The following NCOR2 variants were observed in gnomAD, a reference collection of about 807,000 sequenced individuals.
The protein encoded by NCOR2 is nuclear receptor corepressor 2.
In NCOR2, 81 loss-of-function variants were observed where a neutral mutation model predicts 262.9. That is an observed-to-expected ratio of 0.31 (90% confidence interval 0.26 to 0.37). The LOEUF is 0.37. Among genes scored for constraint, NCOR2 ranks in the 10% least tolerant of loss-of-function variants. The pLI, the probability that NCOR2 is intolerant of heterozygous loss-of-function variation, is 1.00. For missense variants in NCOR2, 3,385 were observed against 3,621.4 expected (o/e 0.93, Z 1.68); for synonymous variants, 1,659 against 1,559.3 (o/e 1.06, Z -1.51).
intron 17 of NCOR2, among the ~76,000 whole-genome samples, chr12:124,382,823 C>T (rs762517848): frequency 1.6e-4 from 24 of 152,222 alleles, no homozygotes; most frequent in Admixed American, 2.6e-4. Context: ...GACCAGGCAC[C>T]ACCCTTTACA....
At chr12:124,473,193 C>A (rs2046916171) in intron 3 of NCOR2, 62 bp from the exon 6 acceptor site, 1 of 1,579,102 alleles carries the variant, frequency 6.3e-7, no homozygotes, top group Admixed American at 1.7e-5. Flanking sequence ...TCTGTACAAC[C>A]CTGTGATGGT....
In NCOR2 at chr12:124,510,592, C is replaced by T. The variant is rs2049343121; in HGVS notation, c.-117-15224G>A. 2.0e-5 allele frequency among the ~76,000 whole-genome samples: 3 copies of T among 152,354 alleles called. No homozygotes were observed. The South Asian group carries it at 6.2e-4, about 32-fold the overall frequency. Reference sequence around the variant, plus strand: ...CTGGATGCAAACCCAGGCGAGCCACCTCCTGTGTCCAGCTCACCCACTGTG... The same window carrying T: ...CTGGATGCAAACCCAGGCGAGCCACTTCCTGTGTCCAGCTCACCCACTGTG... On this transcript the variant is annotated intron_variant, in intron 1 of 46. Coordinates refer to the NCOR2 transcript ENST00000404621.
chr12:124,341,919 T>C, exon 34 of NCOR2: 2 of 1,612,978 alleles, frequency 1.2e-6, no homozygotes, highest in Non-Finnish European at 8.5e-7. Flanking sequence ...GTGGCCGCGT[T>C]GTGGTGCATC....
chr12:124,433,875 C>CACACACACAA lies in NCOR2; in HGVS notation c.883-3089_883-3088insTTGTGTGTGT, dbSNP rs1555222688. 2.2e-3 allele frequency among the ~76,000 whole-genome samples: 215 copies of CACACACACAA among 96,122 alleles called. 10 individuals carry two copies. The South Asian group carries it at 0.033, about 15-fold the overall frequency. The allele number at this position is 96,122 out of a possible 152,430, so 63.1% of individuals were successfully genotyped here. On this transcript the variant is annotated intron_variant, in intron 8 of 46. Transcript: ENST00000405201. ...ACACACACACACACACACACACACACACACACACACACACACACACACACG... is the reference window on the plus strand; with the variant it reads ...ACACACACACACACACACACACACACACACACACAAACACACACACACACACACACACACG...
At chr12:124,340,400 G>A (rs905112220) in exon 36 of NCOR2, 16 of 1,612,938 alleles carry the variant, frequency 9.9e-6, no homozygotes, top group Admixed American at 5.0e-5. Flanking sequence ...GCTCCCGCTC[G>A]GACGAGGACG....
chr12:124,492,334 G>T (rs1262271282), intron 1 of NCOR2, among the ~76,000 whole-genome samples: 4 of 152,222 alleles, frequency 2.6e-5, no homozygotes, highest in Non-Finnish European at 5.9e-5. Context: ...CCACGTGGCT[G>T]TGAGCGGGCC....
chr12:124,429,457 G>A (rs560277554), intron 10 of NCOR2, 156 bp downstream of exon 12: 10 of 723,846 alleles, frequency 1.4e-5, no homozygotes, highest in African/African-American at 7.0e-5. Flanking sequence ...GGCCTGGGAC[G>A]GGTACCTCAA....
chr12:124,518,628 C>T (rs150371016), intron 1 of NCOR2, among the ~76,000 whole-genome samples: 4 of 152,392 alleles, frequency 2.6e-5, no homozygotes, highest in East Asian at 1.9e-4. Context: ...GCCAAAAGTA[C>T]GAGCTTTTTC....
intron 11 of NCOR2, 97 bp downstream of exon 13, chr12:124,426,525 G>A (rs779756236): frequency 3.0e-5 from 37 of 1,230,834 alleles, no homozygotes; most frequent in East Asian, 2.6e-4. Context: ...AGCACCCCCC[G>A]GCATGCTCAT....
intron 20 of NCOR2, among the ~76,000 whole-genome samples, chr12:124,366,325 C>T (rs904192936): frequency 2.0e-5 from 3 of 152,178 alleles, no homozygotes; most frequent in Non-Finnish European, 2.9e-5. Flanking sequence ...GCGCGTGAAA[C>T]AAGCTAGTCG....
chr12:124,465,698 T>A (rs2046381003), intron 5 of NCOR2, among the ~76,000 whole-genome samples: 1 of 152,018 alleles, frequency 6.6e-6, no homozygotes, highest in Non-Finnish European at 1.5e-5. Flanking sequence ...ACAAGTCACT[T>A]AACCTCTCTG....
chr12:124,335,729 G>A, intron 38 of NCOR2, 97 bp from the exon 41 acceptor site: 1 of 1,393,666 alleles, frequency 7.2e-7, no homozygotes, highest in Non-Finnish European at 9.6e-7. Context: ...ACCCCGGGGG[G>A]GTCAAGGGGA....
At chr12:124,336,485 T>G (rs887130753) in intron 38 of NCOR2, 2 of 640,014 alleles carry the variant, frequency 3.1e-6, no homozygotes, top group South Asian at 8.9e-5. Flanking sequence ...GCGGCCGGAG[T>G]AGTCGTCAGC....
chr12:124,380,742 G>A (rs2040351693), intron 17 of NCOR2, among the ~76,000 whole-genome samples: 1 of 152,118 alleles, frequency 6.6e-6, no homozygotes, highest in African/African-American at 2.4e-5. Context: ...CTGTCGGCCT[G>A]GTGGTGGCGC....
intron 1 of NCOR2, among the ~76,000 whole-genome samples, chr12:124,561,255 C>T (rs2052060861): frequency 6.6e-6 from 1 of 152,220 alleles, no homozygotes; most frequent in Non-Finnish European, 1.5e-5. Flanking sequence ...GTAGGAGTCA[C>T]TATGGCTGCA....
At position 124,483,617 on chromosome 12, in the gene NCOR2, C is replaced by G. The variant is rs577563958; in HGVS notation, c.390G>C (p.Ala130=). ...TTACCTTGGTGAGGTCTTCAGATCC[C>G]GCAGGCTGGCCCGTGGCCAGCAGGG... The change falls in exon 3 of 47, where the codon GCG becomes GCC. Residue 130 remains alanine (A), a synonymous_variant. Transcript: ENST00000405201. The surrounding 1 kb of genome is among the most constrained non-coding windows in gnomAD (Gnocchi z 6.3). 1.2e-4 allele frequency: 196 copies of G among 1,606,378 alleles called. 1 individual carries two copies. The African/African-American group carries it at 2.4e-3, about 19-fold the overall frequency.
rs2048865182 is a variant in NCOR2 at position 124,503,577 on chromosome 12, CGGACGGAT to C, written c.-117-8217_-117-8210del. Among the ~76,000 whole-genome samples the C allele has an allele frequency of 2.2e-5, 3 of 137,586 alleles. No individual in the cohort carries two copies. The highest frequency in any genetic ancestry group is 4.6e-5 in the Non-Finnish European group (3 of 65,418). The allele number at this position is 137,586 out of a possible 152,430, so 90.3% of individuals were successfully genotyped here. ...AATGGATGGATGGATAGATGGAAGA[CGGACGGAT>C]GGACGGATGGATGGATGGACGGACG... is the stretch of plus-strand genomic sequence containing the variant. On this transcript the variant is annotated intron_variant, in intron 1 of 46. Coordinates refer to the NCOR2 transcript ENST00000404621. The surrounding 1 kb of genome is among the most constrained non-coding windows in gnomAD (Gnocchi z 4.3).
chr12:124,481,642 G>A lies in NCOR2; in HGVS notation c.411+1954C>T, dbSNP rs538211535. On this transcript the variant is annotated intron_variant, in intron 3 of 46. Transcript: ENST00000405201. This position sits in a 1 kb window ranked among gnomAD's most constrained non-coding sequence, Gnocchi z 4.6. The stretch of plus-strand genomic sequence containing the variant: ...TCCAGGGTGGCCTGGGAGGCTGTAC[G>A]TGAGCGGTTGAGAGGGCTGCTGCAG... Among the ~76,000 whole-genome samples the A allele has an allele frequency of 2.6e-5, 4 of 152,316 alleles. No individual in the cohort carries two copies. Among genetic ancestry groups the A allele is most frequent in the South Asian group, 2.1e-4 (1 of 4,826 alleles).
intron 1 of NCOR2, among the ~76,000 whole-genome samples, chr12:124,491,232 G>A (rs2048067481): frequency 6.6e-6 from 1 of 152,262 alleles, no homozygotes; most frequent in Non-Finnish European, 1.5e-5. Context: ...GACAGAAAAA[G>A]CTACTAAAGG....
Sources: gnomAD v4.1 joint callset for allele counts (sites outside exome capture counted in the v4.1 genomes callset) on GRCh38, gnomAD v4.1.1 for gene constraint, Gnocchi (gnomAD v3.1) non-coding constraint, MANE v1.5 for transcripts, NCBI Gene and HGNC (gene_info 2026-07-23, HGNC 2026-07-21) for gene names.